Variants in SLIT3 observed in about 807,000 individuals in gnomAD.
The protein encoded by SLIT3 is slit guidance ligand 3.
SLIT3 carries 68 observed loss-of-function variants against 184.0 expected under a neutral mutation model. The observed-to-expected ratio is 0.37, with a 90% CI of 0.30 to 0.45. The LOEUF is 0.45. SLIT3 is among the 20% of genes least tolerant of loss of function. SLIT3 has a pLI of 1.00. For missense variants in SLIT3, 1,707 were observed against 2,026.0 expected (o/e 0.84, Z 3.02); for synonymous variants, 831 against 828.6 (o/e 1.00, Z -0.05).
At chr5:169,095,946 A>G (rs917176162) in intron 4 of SLIT3, among the ~76,000 whole-genome samples, 10 of 152,254 alleles carry the variant, frequency 6.6e-5, no homozygotes, top group African/African-American at 2.4e-4. Flanking sequence ...TGCATTCTGT[A>G]AAAGTACTGC....
intron 20 of SLIT3, among the ~76,000 whole-genome samples, chr5:168,739,025 CTT>C (rs1408505645): frequency 6.7e-6 from 1 of 149,154 alleles, no homozygotes; most frequent in East Asian, 2.0e-4. Context: ...TTTTGGAAAA[CTT>C]TTCACTGCCA....
At chr5:168,894,658 G>A (rs1423587588) in intron 4 of SLIT3, among the ~76,000 whole-genome samples, 1 of 152,178 alleles carries the variant, frequency 6.6e-6, no homozygotes, top group Non-Finnish European at 1.5e-5. Context: ...CAGTTACAGT[G>A]GGAAGGTAGG....
chr5:168,801,731 GAACCGAC>G (rs1312048362), intron 9 of SLIT3, among the ~76,000 whole-genome samples: 3 of 152,224 alleles, frequency 2.0e-5, no homozygotes, highest in Non-Finnish European at 4.4e-5. Flanking sequence ...CTGGTTCAGA[GAACCGAC>G]AGGGTGCAGT....
chr5:168,789,888 C>A, intron 10 of SLIT3: 1 of 439,744 alleles, frequency 2.3e-6, no homozygotes, highest in Non-Finnish European at 4.0e-6. Flanking sequence ...CATCGGGACA[C>A]GAGGCTGTGA....
chr5:168,701,744 T>C (rs868644909), intron 26 of SLIT3, among the ~76,000 whole-genome samples: 1 of 152,232 alleles, frequency 6.6e-6, no homozygotes, highest in African/African-American at 2.4e-5. Context: ...AGGTGACTGC[T>C]GCATCCTTTC....
chr5:168,722,951 A>T lies in SLIT3; in HGVS notation c.2393T>A (p.Met798Lys), dbSNP rs149709542. Residue 798 changes from methionine to lysine, a missense_variant, in exon 22 of 36, where the codon ATG becomes AAG. Coordinates refer to ENST00000519560, the MANE Select transcript of SLIT3 (RefSeq NM_003062.4). ...SMLTNYTFSN[M>K]SHLSTLILSY... ...TACTCACAGAGTGGAGAGGTGAGAC[A>T]TGTTACTGAAGGTGTAATTGGTCAG... 6.2e-7 allele frequency: 1 copy of T among 1,613,746 alleles called. No individual in the cohort carries two copies. The highest frequency in any genetic ancestry group is 1.3e-5 in the African/African-American group (1 of 75,048).
chr5:169,276,277 C>T lies in SLIT3; in HGVS notation c.197+24236G>A, dbSNP rs114368575. On this transcript the variant is annotated intron_variant, in intron 1 of 35. Coordinates refer to ENST00000519560, the MANE Select transcript of SLIT3 (RefSeq NM_003062.4). ...TCTTTTTTCTCCCAGATGCCAGCTG[C>T]GACTCTGCTCACAGCCCAGGAGACC... 2.2e-3 allele frequency among the ~76,000 whole-genome samples: 330 copies of T among 152,246 alleles called. 3 individuals carry two copies. The highest frequency in any genetic ancestry group is 7.4e-3 in the African/African-American group (307 of 41,540).
intron 14 of SLIT3, among the ~76,000 whole-genome samples, chr5:168,768,455 CGGGA>C (rs1561922133): frequency 6.6e-6 from 1 of 152,026 alleles, no homozygotes; most frequent in Non-Finnish European, 1.5e-5. Flanking sequence ...GGGAGAAGAA[CGGGA>C]GGGAAATCAC....
At chr5:168,716,907 C>T (rs1304169512) in intron 23 of SLIT3, among the ~76,000 whole-genome samples, 2 of 149,022 alleles carry the variant, frequency 1.3e-5, no homozygotes, top group African/African-American at 2.6e-5. Context: ...TTGGTTCTGC[C>T]TGTGCCTTGG....
intron 4 of SLIT3, among the ~76,000 whole-genome samples, chr5:169,055,808 C>T (rs145858181): frequency 0.01 from 1,473 of 143,964 alleles, 16 homozygotes; most frequent in African/African-American, 0.036. Context: ...TCCAGCCTGG[C>T]GACAGAGTGA....
chr5:168,943,173 AATG>A (rs1445550242), intron 4 of SLIT3, among the ~76,000 whole-genome samples: 1 of 152,202 alleles, frequency 6.6e-6, no homozygotes, highest in Non-Finnish European at 1.5e-5. Context: ...AGGAAGATGA[AATG>A]ATGATCAGTT....
At chr5:169,073,711 C>A (rs1048448643) in intron 4 of SLIT3, among the ~76,000 whole-genome samples, 1 of 151,964 alleles carries the variant, frequency 6.6e-6, no homozygotes, top group African/African-American at 2.4e-5. Context: ...AAGAGCCTGG[C>A]ACCTCCCCAC....
chr5:168,797,986 G>A (rs937927087), intron 9 of SLIT3, among the ~76,000 whole-genome samples: 2 of 152,060 alleles, frequency 1.3e-5, no homozygotes, highest in African/African-American at 2.4e-5. Context: ...ACACAGAGAC[G>A]TCATGCAGTC....
At chr5:168,999,108 G>A (rs1345239554) in intron 4 of SLIT3, among the ~76,000 whole-genome samples, 1 of 152,072 alleles carries the variant, frequency 6.6e-6, no homozygotes, top group East Asian at 1.9e-4. Context: ...TAGAGACAGA[G>A]TCTCACTACA....
chr5:169,129,826 T>TTTTG (rs374300617), intron 4 of SLIT3, among the ~76,000 whole-genome samples: 2,755 of 151,122 alleles, frequency 0.018, 45 homozygotes, highest in African/African-American at 0.044. Flanking sequence ...TGGTGGTTTT[T>TTTTG]TTTGTTTGTT....
chr5:168,748,354 TG>T lies in SLIT3; in HGVS notation c.2217del (p.Ser739ArgfsTer16). 1 of 1,500,938 alleles carries T rather than the reference TG, an allele frequency of 6.7e-7. No individual in the cohort carries two copies. Among genetic ancestry groups the T allele is most frequent in the Non-Finnish European group, 8.8e-7 (1 of 1,132,728 alleles). 93.0% of individuals were successfully genotyped at this position (1,500,938 alleles called of 1,614,324 possible). On this transcript the variant is annotated frameshift_variant, in exon 20 of 36. Coordinates refer to ENST00000519560, the MANE Select transcript of SLIT3 (RefSeq NM_003062.4). LOFTEE classifies it high-confidence loss of function. Reference sequence around the variant, plus strand: ...CTGGGGAGGGCGCGGAGCCCCTTGTTGCTGCATCGCACCACTGTCTCCATAC... The same window carrying T: ...CTGGGGAGGGCGCGGAGCCCCTTGTTCTGCATCGCACCACTGTCTCCATAC... ...CTCMETVVRC[S>X]NKGLRALPRG...
chr5:168,800,452 TG>T (rs1756725713), intron 9 of SLIT3, among the ~76,000 whole-genome samples: 1 of 152,136 alleles, frequency 6.6e-6, no homozygotes, highest in Admixed American at 6.5e-5. Flanking sequence ...CTGGGCATGG[TG>T]GTGGGTGTCT....
chr5:169,021,939 T>TA (rs1378552862), intron 4 of SLIT3, among the ~76,000 whole-genome samples: 1 of 145,848 alleles, frequency 6.9e-6, no homozygotes, highest in African/African-American at 2.8e-5. Context: ...GCTACTGTAA[T>TA]GGAAGTACAC....
At chr5:168,819,821 C>A (rs1008305044) in intron 7 of SLIT3, among the ~76,000 whole-genome samples, 4 of 152,156 alleles carry the variant, frequency 2.6e-5, no homozygotes, top group Non-Finnish European at 4.4e-5. Context: ...ACAGATAGTT[C>A]CTATCCCTTT....
Sources: gnomAD v4.1 joint callset for allele counts (sites outside exome capture counted in the v4.1 genomes callset) on GRCh38, gnomAD v4.1.1 for gene constraint, MANE v1.5 for transcripts, NCBI Gene and HGNC (gene_info 2026-07-23, HGNC 2026-07-21) for gene names.